Variants in MPHOSPH8 observed in about 807,000 individuals in gnomAD.
MPHOSPH8 encodes M-phase phosphoprotein 8.
In MPHOSPH8, 45 loss-of-function variants were observed where a neutral mutation model predicts 87.3. That is an observed-to-expected ratio of 0.52 (90% confidence interval 0.41 to 0.66). The LOEUF is 0.66. Ranked by LOEUF, MPHOSPH8 falls within the 30% of genes least tolerant of loss-of-function variation. The pLI is 0.00. For missense variants in MPHOSPH8, 883 were observed against 1,020.2 expected, an observed-to-expected ratio of 0.87 and a Z score of 1.83; for synonymous variants, 366 against 376.9, an observed-to-expected ratio of 0.97 and a Z score of 0.33.
At chr13:19,649,500 C>T (rs890534213) in intron 4 of MPHOSPH8, among the ~76,000 whole-genome samples, 2 of 152,056 alleles carry the variant, frequency 1.3e-5, no homozygotes, top group African/African-American at 2.4e-5. Context: ...AGGTCTAGTA[C>T]CTGCCAGTTT....
chr13:19,644,438 A>G (rs1387690756), intron 2 of MPHOSPH8, among the ~76,000 whole-genome samples: 1 of 152,240 alleles, frequency 6.6e-6, no homozygotes, highest in Non-Finnish European at 1.5e-5. Context: ...TTAGTCACAC[A>G]TACTACAGTC....
Position 19,646,459 on chromosome 13 carries a change from A to G in MPHOSPH8, c.386A>G (p.Asn129Ser), listed in dbSNP as rs1874567419. 3 of 1,506,530 alleles carry G rather than the reference A, an allele frequency of 2.0e-6. No individual in the cohort carries two copies. The highest frequency in any genetic ancestry group is 5.1e-5 in the Admixed American group (2 of 39,150). 93.3% of individuals were successfully genotyped at this position (1,506,530 alleles called of 1,614,324 possible). The change falls in exon 3 of 14, where the codon AAC (asparagine) becomes AGC (serine). Residue 129 changes from asparagine (N) to serine (S), a missense_variant. By Grantham distance (46) the Asn-to-Ser change is conservative. This residue lies in a region of MPHOSPH8 where 39 missense variants were observed against 82.4 expected (regional missense o/e 0.47). Coordinates refer to ENST00000361479, the MANE Select transcript of MPHOSPH8 (RefSeq NM_017520.4). ...ATTTTATAGAGACTATCCTTAAATA[A>G]CGACATATTTGAGGCGAACTCTGAT... is the stretch of plus-strand genomic sequence containing the variant. ...RKDIQRLSLNNDIFEANSDSD... is the reference protein window; with the variant it reads ...RKDIQRLSLNSDIFEANSDSD...
chr13:19,662,090 C>T (rs1441193537), intron 8 of MPHOSPH8, among the ~76,000 whole-genome samples: 1 of 151,858 alleles, frequency 6.6e-6, no homozygotes, highest in African/African-American at 2.4e-5. Context: ...AGGTACCTGC[C>T]ACCACACCCG....
chr13:19,635,593 A>T (rs1275153881), intron 1 of MPHOSPH8, among the ~76,000 whole-genome samples: 1 of 152,224 alleles, frequency 6.6e-6, no homozygotes, highest in African/African-American at 2.4e-5. Context: ...TCTCATTCAT[A>T]CAGTGTTTAA....
intron 4 of MPHOSPH8, 88 bp downstream of exon 4, chr13:19,648,609 T>C (rs2137514061): frequency 1.8e-6 from 1 of 550,796 alleles, no homozygotes; most frequent in South Asian, 6.8e-5. Flanking sequence ...TAAAAATTTA[T>C]ATAATTTTTT....
At chr13:19,671,021 ATGTT>A (rs772090571) in intron 12 of MPHOSPH8, 181 bp from the exon 13 acceptor site, 2 of 1,336,858 alleles carry the variant, frequency 1.5e-6, no homozygotes, top group Non-Finnish European at 2.0e-6. Context: ...GGGTTTCACC[ATGTT>A]GGCCAGGCTG....
At chr13:19,661,072 G>C in intron 7 of MPHOSPH8, 1 of 497,944 alleles carries the variant, frequency 2.0e-6, no homozygotes, top group Non-Finnish European at 2.6e-6. Flanking sequence ...AGCCTGGGCT[G>C]ACATAGCAAC....
intron 9 of MPHOSPH8, among the ~76,000 whole-genome samples, chr13:19,664,157 T>C (rs976835204): frequency 3.9e-5 from 6 of 152,202 alleles, no homozygotes; most frequent in Admixed American, 6.5e-5. Flanking sequence ...TTTTTTCTTA[T>C]TAGAGACAAG....
At chr13:19,651,599 G>C (rs1874854874) in intron 5 of MPHOSPH8, among the ~76,000 whole-genome samples, 1 of 151,962 alleles carries the variant, frequency 6.6e-6, no homozygotes, top group Admixed American at 6.6e-5. Context: ...TGGAGGCGAG[G>C]CAGGAGGATC....
At chr13:19,668,294 G>T in intron 10 of MPHOSPH8, 83 bp from the exon 11 acceptor site, 1 of 1,275,564 alleles carries the variant, frequency 7.8e-7, no homozygotes, top group Non-Finnish European at 1.1e-6. Flanking sequence ...TGGAAGGTTG[G>T]CCTGGGAAGC....
Position 19,646,898 on chromosome 13 carries a change from A to G in MPHOSPH8, c.825A>G (p.Pro275=), listed in dbSNP as rs2137511087. The G allele has an allele frequency of 4.4e-6, 7 of 1,603,160 alleles. No individual in the cohort carries two copies. Among genetic ancestry groups the G allele is most frequent in the Non-Finnish European group, 5.9e-6 (7 of 1,177,610 alleles). The change falls in exon 3 of 14, where the codon CCA becomes CCG. Residue 275 remains proline, a synonymous_variant. Transcript: ENST00000361479. ...ESSVLNDSPF[P]EDDSEGLHSD... ...GTGTACTTAATGATTCTCCCTTTCC[A>G]GAGGATGACAGTGAAGGGCTACATT...
intron 1 of MPHOSPH8, among the ~76,000 whole-genome samples, chr13:19,636,374 AC>A (rs1874009416): frequency 6.6e-6 from 1 of 152,248 alleles, no homozygotes; most frequent in Non-Finnish European, 1.5e-5. Flanking sequence ...TGAATAATTA[AC>A]ATAAGAACTG....
chr13:19,666,883 C>T (rs761835280), intron 10 of MPHOSPH8, among the ~76,000 whole-genome samples: 2 of 152,088 alleles, frequency 1.3e-5, no homozygotes, highest in Admixed American at 6.5e-5. Context: ...TAAACTTGGC[C>T]GGGCGCAGTG....
chr13:19,659,015 A>G lies in MPHOSPH8; in HGVS notation c.1597A>G (p.Ser533Gly). Residue 533 changes from serine to glycine, a missense_variant, in exon 6 of 14, where the codon AGT (serine) becomes GGT (glycine). Physicochemically the swap from Ser to Gly is moderately conservative, Grantham distance 56 (BLOSUM62 0). Transcript: ENST00000361479. Reference protein sequence around the residue: ...ENSDGRQQILSLGMDLQLEWM... With the variant: ...ENSDGRQQILGLGMDLQLEWM... Reference sequence around the variant, plus strand: ...TCCAGATGGCAGGCAGCAGATTCTGAGTTTGGGCATGGACCTGCAGTTGGA... The same window carrying G: ...TCCAGATGGCAGGCAGCAGATTCTGGGTTTGGGCATGGACCTGCAGTTGGA... 1 of 1,613,698 alleles carries G rather than the reference A, an allele frequency of 6.2e-7. No homozygotes were observed. Among genetic ancestry groups the G allele is most frequent in the East Asian group, 2.2e-5 (1 of 44,874 alleles).
chr13:19,660,066 A>G (rs2137532994), intron 7 of MPHOSPH8, among the ~76,000 whole-genome samples: 1 of 141,886 alleles, frequency 7.0e-6, no homozygotes, highest in South Asian at 2.2e-4. Flanking sequence ...GGTTCACGCC[A>G]TTCTCCTGCC....
intron 1 of MPHOSPH8, among the ~76,000 whole-genome samples, chr13:19,635,431 G>A (rs189269125): frequency 1.4e-4 from 22 of 152,284 alleles, no homozygotes; most frequent in Admixed American, 1.1e-3. Flanking sequence ...GGGAGGCTGA[G>A]GCAGGAGAAT....
chr13:19,640,350 ATTTCCCT>A (rs1182226068), intron 1 of MPHOSPH8, among the ~76,000 whole-genome samples: 12 of 152,146 alleles, frequency 7.9e-5, no homozygotes, highest in Non-Finnish European at 1.3e-4. Context: ...AATTCTTTTG[ATTTCCCT>A]TTAACCATTT....
intron 7 of MPHOSPH8, among the ~76,000 whole-genome samples, chr13:19,659,956 T>C (rs1244004731): frequency 0.022 from 100 of 4,472 alleles, no homozygotes; most frequent in African/African-American, 0.031. Context: ...TATGTATGGA[T>C]TTTTTTTTTT....
At chr13:19,647,324 G>GT (rs772158828) in intron 3 of MPHOSPH8, 33 bp downstream of exon 3, 2 of 1,535,496 alleles carry the variant, frequency 1.3e-6, no homozygotes, top group Non-Finnish European at 1.8e-6. Context: ...GAAAACCCAT[G>GT]TTGAGTGGTC....
Sources: gnomAD v4.1 joint callset for allele counts (sites outside exome capture counted in the v4.1 genomes callset) on GRCh38, gnomAD v4.1.1 for gene constraint, gnomAD v4.1.1 regional missense constraint, MANE v1.5 for transcripts, NCBI Gene and HGNC (gene_info 2026-07-23, HGNC 2026-07-21) for gene names.